The following CACNA1B variants were observed in gnomAD, a reference collection of about 807,000 sequenced individuals.
CACNA1B encodes the protein voltage-dependent N-type calcium channel subunit alpha-1B.
A neutral mutation model predicts 247.2 loss-of-function variants in CACNA1B; 70 were observed. That is an observed-to-expected ratio of 0.28 (90% CI 0.23 to 0.35). The LOEUF is 0.35. Ranked by LOEUF, CACNA1B falls within the 10% of genes least tolerant of loss-of-function variation. The pLI is 1.00. For synonymous variants in CACNA1B, 1,231 were observed against 1,294.4 expected (o/e 0.95, Z 1.05); for missense variants, 2,367 against 3,197.4 (o/e 0.74, Z 6.26).
At chr9:138,114,349 C>T (rs372180381) in intron 40 of CACNA1B, 29 bp from the exon 41 acceptor site, 32 of 1,193,284 alleles carry the variant, frequency 2.7e-5, no homozygotes, top group African/African-American at 2.9e-5. Flanking sequence ...CCCCCTTCTC[C>T]GAATCTCAAC....
chr9:137,967,135 ACTCT>A (rs1020847871), intron 10 of CACNA1B, among the ~76,000 whole-genome samples: 3 of 150,212 alleles, frequency 2.0e-5, no homozygotes, highest in Non-Finnish European at 4.4e-5. Context: ...GCTTATTTTT[ACTCT>A]CTAATTCTTC....
intron 6 of CACNA1B, among the ~76,000 whole-genome samples, chr9:137,951,155 C>T (rs1181885000): frequency 1.3e-5 from 2 of 152,184 alleles, no homozygotes; most frequent in Admixed American, 6.5e-5. Flanking sequence ...CATGTGAGTC[C>T]GGACAGAGGT....
At chr9:138,068,929 C>T (rs1960026449) in intron 31 of CACNA1B, among the ~76,000 whole-genome samples, 1 of 152,248 alleles carries the variant, frequency 6.6e-6, no homozygotes. Context: ...CTCCGTCCCT[C>T]AGCTGCGAGA....
rs1564238839 is a variant in CACNA1B, at chr9:138,014,641, G to T, written c.2267+1406G>T. Among the ~76,000 whole-genome samples the T allele has an allele frequency of 6.6e-6, 1 of 152,194 alleles. No individual in the cohort carries two copies. Among genetic ancestry groups the T allele is most frequent in the Non-Finnish European group, 1.5e-5 (1 of 68,040 alleles). Reference sequence around the variant, plus strand: ...CAGGGCTCTGTGAGCTCTGCAGGTGGGTGGTCTGCAGTAGATGGGGCGAGT... The same window carrying T: ...CAGGGCTCTGTGAGCTCTGCAGGTGTGTGGTCTGCAGTAGATGGGGCGAGT... On this transcript the variant is annotated intron_variant, in intron 18 of 46. Coordinates refer to ENST00000371372, the MANE Select transcript of CACNA1B (RefSeq NM_000718.4). This position sits in a 1 kb window ranked among gnomAD's most constrained non-coding sequence, Gnocchi z 6.2.
At chr9:138,021,542 G>A (rs1265239021) in intron 18 of CACNA1B, among the ~76,000 whole-genome samples, 2 of 152,234 alleles carry the variant, frequency 1.3e-5, no homozygotes, top group Non-Finnish European at 1.5e-5. Context: ...TCAGGGCCCC[G>A]GAGCTGGTGG....
rs1286270396 is a variant in CACNA1B, at chr9:137,899,036, T to G, written c.531-14144T>G. 6.6e-6 allele frequency among the ~76,000 whole-genome samples: 1 copy of G among 151,956 alleles called. No individual in the cohort carries two copies. The highest frequency in any genetic ancestry group is 6.6e-5 in the Admixed American group (1 of 15,242). ...GTCCTCCCGCCTCAGCTTTCCAAAG[T>G]GCTGGGATTGTAGGTGTGAGCCACC... is the stretch of plus-strand genomic sequence containing the variant. On this transcript the variant is annotated intron_variant, in intron 3 of 46. Coordinates refer to ENST00000371372, the MANE Select transcript of CACNA1B (RefSeq NM_000718.4). This position sits in a 1 kb window ranked among gnomAD's most constrained non-coding sequence, Gnocchi z 5.0.
chr9:138,105,277 C>T (rs943977332), intron 38 of CACNA1B, among the ~76,000 whole-genome samples: 13 of 152,178 alleles, frequency 8.5e-5, no homozygotes, highest in African/African-American at 1.9e-4. Context: ...TCCAGATGAT[C>T]GAAGTGGTGG....
At position 138,043,958 on chromosome 9, in the gene CACNA1B, C is replaced by T. The variant is rs1482191672; in HGVS notation, c.3413+58C>T. 2.3e-5 allele frequency: 36 copies of T among 1,584,320 alleles called. 1 individual carries two copies. The highest frequency in any genetic ancestry group is 2.1e-4 in the South Asian group (19 of 88,476). Reference sequence around the variant, plus strand: ...GCCCACTCACCCATGCATCATGACCCGTGGGATCTCAGTAGCCAGCGTGCA... The same window carrying T: ...GCCCACTCACCCATGCATCATGACCTGTGGGATCTCAGTAGCCAGCGTGCA... On this transcript the variant is annotated intron_variant, in intron 21 of 46. Transcript: ENST00000371372.
chr9:138,114,104 A>G (rs893456591), intron 40 of CACNA1B, among the ~76,000 whole-genome samples: 7 of 152,178 alleles, frequency 4.6e-5, no homozygotes, highest in Non-Finnish European at 8.8e-5. Flanking sequence ...TGCATTAAGC[A>G]GGTGGGGATG....
chr9:138,107,323 T>C (rs887791271), intron 39 of CACNA1B, among the ~76,000 whole-genome samples: 1 of 151,766 alleles, frequency 6.6e-6, no homozygotes, highest in Non-Finnish European at 1.5e-5. Flanking sequence ...CACGGCTCAC[T>C]GCAGCCTCCA....
chr9:137,973,532 C>T lies in CACNA1B; in HGVS notation c.1543+1940C>T, dbSNP rs1266938432. ...TCAGGACTTGCCATCCTGTGAGCCCCTGGGGGGCCTTATGCAGCTCACCAG... is the reference window on the plus strand; with the variant it reads ...TCAGGACTTGCCATCCTGTGAGCCCTTGGGGGGCCTTATGCAGCTCACCAG... On this transcript the variant is annotated intron_variant, in intron 11 of 46. Transcript: ENST00000371372. The surrounding 1 kb of genome is among the most constrained non-coding windows in gnomAD (Gnocchi z 4.1). Among the ~76,000 whole-genome samples the T allele has an allele frequency of 6.6e-6, 1 of 152,210 alleles. No individual in the cohort carries two copies. The highest frequency in any genetic ancestry group is 1.5e-5 in the Non-Finnish European group (1 of 68,038).
At chr9:137,924,952 G>C (rs1455102362) in intron 6 of CACNA1B, among the ~76,000 whole-genome samples, 1 of 152,160 alleles carries the variant, frequency 6.6e-6, no homozygotes, top group African/African-American at 2.4e-5. Flanking sequence ...GTGCCTGGTT[G>C]TCCCGCCTGT....
rs139106416 is a variant in CACNA1B at position 138,008,079 on chromosome 9, G to A, written c.2092+1195G>A. ...GTGGGGGATCCAGCCTTCCTGGGAA[G>A]TTGAGTGTGTGTGAGCCTAGGAGGG... On this transcript the variant is annotated intron_variant, in intron 16 of 46. Coordinates refer to ENST00000371372, the MANE Select transcript of CACNA1B (RefSeq NM_000718.4). Among the ~76,000 whole-genome samples, 365 of 152,354 alleles carry A rather than the reference G, an allele frequency of 2.4e-3. 1 individual carries two copies. The highest frequency in any genetic ancestry group is 8.2e-3 in the African/African-American group (339 of 41,590).
At chr9:138,022,070 G>C (rs141559368) in intron 18 of CACNA1B, among the ~76,000 whole-genome samples, 7 of 152,346 alleles carry the variant, frequency 4.6e-5, no homozygotes, top group Non-Finnish European at 8.8e-5. Context: ...TGTGTGATGT[G>C]TGAATAGAGG....
chr9:137,993,729 C>A (rs182186522), intron 15 of CACNA1B, among the ~76,000 whole-genome samples: 2 of 152,192 alleles, frequency 1.3e-5, no homozygotes, highest in Middle Eastern at 3.4e-3. Context: ...AAAATAAAGT[C>A]CAGGACCAGA....
At chr9:138,025,882 C>G (rs1270175865) in intron 20 of CACNA1B, among the ~76,000 whole-genome samples, 1 of 152,182 alleles carries the variant, frequency 6.6e-6, no homozygotes. Flanking sequence ...AGGAGGAGCC[C>G]TCCTTTCTTA....
rs943222936 is a variant in CACNA1B at position 138,058,812 on chromosome 9, G to A, written c.4473+79G>A. The A allele has an allele frequency of 7.5e-7, 1 of 1,328,880 alleles. No homozygotes were observed. Among genetic ancestry groups the A allele is most frequent in the South Asian group, 1.3e-5 (1 of 78,020 alleles). The allele number at this position is 1,328,880 out of a possible 1,614,324, so 82.3% of individuals were successfully genotyped here. A position where few individuals can be genotyped will look rare whatever the true frequency, so the allele number is the denominator to read the frequency against. ...AACCCTGAGGCTGAGTGGAGAGTCA[G>A]CCTTCTTCCTCCCTGCATGAGCCAA... On this transcript the variant is annotated intron_variant, in intron 29 of 46. Transcript: ENST00000371372. This position sits in a 1 kb window ranked among gnomAD's most constrained non-coding sequence, Gnocchi z 4.7.
At chr9:137,940,512 C>T (rs188101066) in intron 6 of CACNA1B, among the ~76,000 whole-genome samples, 3 of 152,156 alleles carry the variant, frequency 2.0e-5, no homozygotes. Context: ...GGTACCAATC[C>T]TATCGACACT....
intron 15 of CACNA1B, among the ~76,000 whole-genome samples, chr9:137,987,177 C>T (rs1958374194): frequency 6.6e-6 from 1 of 152,208 alleles, no homozygotes. Context: ...GCATGCACTT[C>T]TGTTTTTTAT....
Sources: gnomAD v4.1 joint callset for allele counts (sites outside exome capture counted in the v4.1 genomes callset) on GRCh38, gnomAD v4.1.1 for gene constraint, Gnocchi (gnomAD v3.1) non-coding constraint, MANE v1.5 for transcripts, NCBI Gene and HGNC (gene_info 2026-07-23, HGNC 2026-07-21) for gene names.